CCBE1: variants seen among roughly 807,000 people sequenced by gnomAD.
CCBE1 encodes collagen and calcium binding EGF domains 1, also known as collagen and calcium-binding EGF domain-containing protein 1.
In CCBE1, 37 loss-of-function variants were observed where a neutral mutation model predicts 50.0. That is an observed-to-expected ratio of 0.74 (90% CI 0.57 to 0.97). The LOEUF is 0.97. Ranked by LOEUF, CCBE1 falls within the 50% of genes least tolerant of loss-of-function variation. CCBE1 has a pLI of 0.00. For synonymous variants in CCBE1, 234 were observed against 203.7 expected (o/e 1.15, Z -1.27); for missense variants, 538 against 523.8 (o/e 1.03, Z -0.26).
intron 2 of CCBE1, among the ~76,000 whole-genome samples, chr18:59,581,209 G>A (rs2053079550): frequency 6.6e-6 from 1 of 152,194 alleles, no homozygotes; most frequent in Non-Finnish European, 1.5e-5. Flanking sequence ...CTGGGAGGCT[G>A]AGGTAGGCGG....
In CCBE1 at chr18:59,438,957, C is replaced by T. The variant is rs145324514; in HGVS notation, c.951+586G>A. ...CTGGGGTCAGGAGTTTAAGGCCAGC[C>T]TGGGTAACATGGCGAAACCCCGTCT... is the stretch of plus-strand genomic sequence containing the variant. On this transcript the variant is annotated intron_variant, in intron 9 of 10. Transcript: ENST00000439986. 3.3e-3 allele frequency among the ~76,000 whole-genome samples: 505 copies of T among 152,136 alleles called. 1 individual carries two copies. The highest frequency in any genetic ancestry group is 0.012 in the African/African-American group (484 of 41,528).
At position 59,431,677 on chromosome 18, in the gene CCBE1, G is replaced by C. The variant is rs1378090834; in HGVS notation, c.*4231C>G. 10 of 152,266 alleles carry C rather than the reference G, an allele frequency of 6.6e-5. No homozygotes were observed. Among genetic ancestry groups the C allele is most frequent in the Non-Finnish European group, 1.0e-4 (7 of 68,062 alleles). 9.4% of individuals were successfully genotyped at this position (152,266 alleles called of 1,614,324 possible). On this transcript the variant is annotated 3_prime_UTR_variant, in exon 11 of 11. Transcript: ENST00000439986. ...GCCAAAGCCAGGGTGCTCTTCGCTG[G>C]TATTTGGTGGGGTAATACTCACCTT...
rs186135082 is a variant in CCBE1 at position 59,600,624 on chromosome 18, C to T, written c.212+96005G>A. 2.8e-3 allele frequency among the ~76,000 whole-genome samples: 422 copies of T among 152,118 alleles called. 4 individuals are homozygous for T. Among genetic ancestry groups the T allele is most frequent in the Non-Finnish European group, 7.5e-4 (51 of 67,996 alleles). On this transcript the variant is annotated intron_variant, in intron 2 of 10. Coordinates refer to ENST00000439986, the MANE Select transcript of CCBE1 (RefSeq NM_133459.4). ...GATGAAGAAGAGGGTTACAATTCAC[C>T]CGGGTTAGCAAAGGTCCTCCATGCC...
intron 2 of CCBE1, among the ~76,000 whole-genome samples, chr18:59,611,564 G>A (rs1338868200): frequency 6.6e-6 from 1 of 152,144 alleles, no homozygotes; most frequent in Non-Finnish European, 1.5e-5. Context: ...GGCCAACATG[G>A]CGAAACCCCA....
At chr18:59,615,905 C>A (rs2053630873) in intron 2 of CCBE1, among the ~76,000 whole-genome samples, 1 of 152,116 alleles carries the variant, frequency 6.6e-6, no homozygotes, top group African/African-American at 2.4e-5. Flanking sequence ...GGACACTTAC[C>A]AAGGGGACTA....
At chr18:59,617,572 T>G (rs1599068051) in intron 2 of CCBE1, among the ~76,000 whole-genome samples, 1 of 152,312 alleles carries the variant, frequency 6.6e-6, no homozygotes, top group Middle Eastern at 3.4e-3. Context: ...TGCAGGAGCT[T>G]GGATGAAAGC....
chr18:59,468,915 T>C (rs1172047659), intron 4 of CCBE1, among the ~76,000 whole-genome samples: 1 of 151,672 alleles, frequency 6.6e-6, no homozygotes, highest in Non-Finnish European at 1.5e-5. Flanking sequence ...TTCAGACACA[T>C]GGTTCCAATG....
chr18:59,622,370 C>T (rs2053722526), intron 2 of CCBE1, among the ~76,000 whole-genome samples: 1 of 152,068 alleles, frequency 6.6e-6, no homozygotes, highest in African/African-American at 2.4e-5. Context: ...GTGGCGGGTG[C>T]CTGTAATCTC....
At position 59,550,757 on chromosome 18, in the gene CCBE1, G is replaced by A. The variant is rs561457077; in HGVS notation, c.213-70519C>T. 4.7e-4 allele frequency among the ~76,000 whole-genome samples: 72 copies of A among 152,106 alleles called. No homozygotes were observed. In the East Asian group the frequency reaches 0.013, roughly 27 times the overall value. Reference sequence around the variant, plus strand: ...AAATACAGTCATGTGGGCTGGGTGCGGTGGCTCACGCCTGTAATCCCAGCA... The same window carrying A: ...AAATACAGTCATGTGGGCTGGGTGCAGTGGCTCACGCCTGTAATCCCAGCA... On this transcript the variant is annotated intron_variant, in intron 2 of 10. Coordinates refer to ENST00000439986, the MANE Select transcript of CCBE1 (RefSeq NM_133459.4).
At chr18:59,461,024 A>C (rs1023262051) in intron 5 of CCBE1, among the ~76,000 whole-genome samples, 3 of 152,020 alleles carry the variant, frequency 2.0e-5, no homozygotes, top group African/African-American at 7.2e-5. Context: ...GGCTTGTATC[A>C]CTTATGCTAA....
chr18:59,695,432 C>G (rs1463024042), intron 2 of CCBE1, among the ~76,000 whole-genome samples: 1 of 152,168 alleles, frequency 6.6e-6, no homozygotes, highest in Non-Finnish European at 1.5e-5. Flanking sequence ...AGCATTCACC[C>G]CCCGCACACG....
intron 2 of CCBE1, among the ~76,000 whole-genome samples, chr18:59,638,240 G>C (rs972480116): frequency 9.2e-5 from 14 of 152,206 alleles, no homozygotes; most frequent in Admixed American, 8.5e-4. Flanking sequence ...AGCAAGTAAA[G>C]AATGGATTTA....
chr18:59,527,270 T>C (rs1221621250), intron 2 of CCBE1, among the ~76,000 whole-genome samples: 1 of 152,184 alleles, frequency 6.6e-6, no homozygotes, highest in Non-Finnish European at 1.5e-5. Flanking sequence ...TCTTTTTTTC[T>C]TTTTTTATCT....
upstream of CCBE1, chr18:59,697,437 G>A (rs2054827306): frequency 6.8e-7 from 1 of 1,479,670 alleles, no homozygotes; most frequent in Non-Finnish European, 9.0e-7. Flanking sequence ...CTTCCCGGCA[G>A]GGGGCGCCGG....
At chr18:59,528,266 A>T (rs1365027004) in intron 2 of CCBE1, among the ~76,000 whole-genome samples, 1 of 152,144 alleles carries the variant, frequency 6.6e-6, no homozygotes, top group Non-Finnish European at 1.5e-5. Context: ...TGTTTGGTCT[A>T]TTTGGCTACT....
At chr18:59,616,130 C>T (rs1360325616) in intron 2 of CCBE1, among the ~76,000 whole-genome samples, 3 of 152,144 alleles carry the variant, frequency 2.0e-5, no homozygotes, top group Admixed American at 6.5e-5. Context: ...GGGAAATGGG[C>T]TCTCAAGAAC....
chr18:59,452,948 T>G (rs1041468657), intron 6 of CCBE1, among the ~76,000 whole-genome samples: 2 of 151,894 alleles, frequency 1.3e-5, no homozygotes, highest in African/African-American at 4.8e-5. Flanking sequence ...TACTGGAGTA[T>G]TAAGATGACC....
At position 59,434,651 on chromosome 18, in the gene CCBE1, A is replaced by G. The variant is rs967571265; in HGVS notation, c.*1257T>C. 4 of 152,204 alleles carry G rather than the reference A, an allele frequency of 2.6e-5. No homozygotes were observed. Among genetic ancestry groups the G allele is most frequent in the Non-Finnish European group, 5.9e-5 (4 of 68,036 alleles). 9.4% of individuals were successfully genotyped at this position (152,204 alleles called of 1,614,324 possible). On this transcript the variant is annotated 3_prime_UTR_variant, in exon 11 of 11. Transcript: ENST00000439986. ...ACATGCAGGGGAAAATAAATCAAAG[A>G]GAAGGCCTAAAAGAACTGGAACTTG...
intron 2 of CCBE1, among the ~76,000 whole-genome samples, chr18:59,672,216 T>A (rs1301269624): frequency 6.6e-6 from 1 of 152,174 alleles, no homozygotes; most frequent in African/African-American, 2.4e-5. Context: ...AGGAGGATCA[T>A]GATCCATGGG....
Sources: gnomAD v4.1 joint callset for allele counts (sites outside exome capture counted in the v4.1 genomes callset) on GRCh38, gnomAD v4.1.1 for gene constraint, MANE v1.5 for transcripts, NCBI Gene and HGNC (gene_info 2026-07-23, HGNC 2026-07-21) for gene names.